NGLY1: variants seen among roughly 807,000 people sequenced by gnomAD.
NGLY1 encodes the protein N-glycanase 1.
Under a neutral mutation model 84.6 loss-of-function variants are expected in NGLY1, and 68 were observed. The observed-to-expected ratio is 0.80, with a 90% CI of 0.66 to 0.98. The LOEUF (loss-of-function observed/expected upper bound fraction) is 0.98, where lower values mean the gene tolerates loss of function less well. Ranked by LOEUF, NGLY1 falls within the 50% of genes least tolerant of loss-of-function variation. The probability of loss-of-function intolerance (pLI) is 0.00; values close to 1 mark genes in which losing one functional copy is unlikely to be tolerated. For missense variants in NGLY1, 779 were observed against 770.2 expected (o/e 1.01, Z -0.14); for synonymous variants, 280 against 275.2 (o/e 1.02, Z -0.17).
intron 10 of NGLY1, among the ~76,000 whole-genome samples, chr3:25,723,378 G>A (rs1376394477): frequency 6.6e-6 from 1 of 151,906 alleles, no homozygotes; most frequent in African/African-American, 2.4e-5. Flanking sequence ...AAATAAAAAA[G>A]GTCTCTTATG....
chr3:25,771,652 C>A (rs1707896479), intron 2 of NGLY1, among the ~76,000 whole-genome samples: 1 of 152,004 alleles, frequency 6.6e-6, no homozygotes, highest in African/African-American at 2.4e-5. Flanking sequence ...TTGATTCTAC[C>A]CTTCCATGAG....
chr3:25,743,834 T>A (rs1440121683), intron 4 of NGLY1, among the ~76,000 whole-genome samples: 2 of 152,174 alleles, frequency 1.3e-5, no homozygotes, highest in Non-Finnish European at 2.9e-5. Context: ...CAGCTGAAAG[T>A]AGGACTACTA....
At chr3:25,749,510 T>A in intron 4 of NGLY1, 2 of 1,579,428 alleles carry the variant, frequency 1.3e-6, no homozygotes, top group Non-Finnish European at 1.7e-6. Context: ...AGACCCCTTG[T>A]GAAGCCCAAG....
In NGLY1 at chr3:25,756,938, T is replaced by C. The variant is rs369742541; in HGVS notation, c.493-5675A>G. On this transcript the variant is annotated intron_variant, in intron 3 of 11. Coordinates refer to ENST00000280700, the MANE Select transcript of NGLY1 (RefSeq NM_018297.4). ...CTCTTATACACATCTTAAAGTCATATTGGGAAAGATGGAAAGCTTTCGAGA... is the reference window on the plus strand; with the variant it reads ...CTCTTATACACATCTTAAAGTCATACTGGGAAAGATGGAAAGCTTTCGAGA... Among the ~76,000 whole-genome samples, 82 of 152,350 alleles carry C rather than the reference T, an allele frequency of 5.4e-4. 2 individuals are homozygous for C. The highest frequency in any genetic ancestry group is 4.8e-3 in the East Asian group (25 of 5,186).
Position 25,719,374 on chromosome 3 carries a change from T to C in NGLY1, c.*86A>G. On this transcript the variant is annotated 3_prime_UTR_variant, in exon 12 of 12. Coordinates refer to ENST00000280700, the MANE Select transcript of NGLY1 (RefSeq NM_018297.4). ...AAAGAAATATGCTAGCACAGGGTGG[T>C]AACTGCCAACTAAGCATGCACTGAA... 9.1e-7 allele frequency: 1 copy of C among 1,101,296 alleles called. No homozygotes were observed. Among genetic ancestry groups the C allele is most frequent in the Non-Finnish European group, 1.3e-6 (1 of 751,030 alleles). 68.2% of individuals were successfully genotyped at this position (1,101,296 alleles called of 1,614,324 possible).
intron 7 of NGLY1, chr3:25,734,956 G>A (rs1184623989): frequency 8.7e-6 from 5 of 575,240 alleles, no homozygotes; most frequent in African/African-American, 1.9e-5. Flanking sequence ...TTTGATACAA[G>A]TGGAAAGACA....
intron 7 of NGLY1, 29 bp downstream of exon 7, chr3:25,735,975 G>T: frequency 6.4e-7 from 1 of 1,554,812 alleles, no homozygotes; most frequent in South Asian, 1.2e-5. Context: ...TTTACTTTTG[G>T]AAAAAAGTTT....
intron 2 of NGLY1, among the ~76,000 whole-genome samples, chr3:25,764,625 G>C (rs1048598917): frequency 2.0e-5 from 3 of 151,254 alleles, no homozygotes; most frequent in African/African-American, 4.8e-5. Context: ...GGCCTCATAA[G>C]GGTTGCAAAA....
chr3:25,739,604 G>C lies in NGLY1; in HGVS notation c.854C>G (p.Ala285Gly), dbSNP rs1354557048. 4.3e-6 allele frequency: 7 copies of C among 1,613,898 alleles called. No homozygotes were observed. The highest frequency in any genetic ancestry group is 3.3e-4 in the Middle Eastern group (2 of 6,084). Residue 285 changes from alanine to glycine, a missense_variant, in exon 5 of 12, where the codon GCC (alanine) becomes GGC (glycine). Coordinates refer to ENST00000280700, the MANE Select transcript of NGLY1 (RefSeq NM_018297.4). The stretch of plus-strand genomic sequence containing the variant: ...TGGGAATCGATTGCTGAACTGGCAG[G>C]CATCACAGTAATGATCTTCCACTTC... ...AKEVEDHYCD[A>G]CQFSNRFPRY...
chr3:25,755,473 C>T, intron 3 of NGLY1: 1 of 1,462,550 alleles, frequency 6.8e-7, no homozygotes, highest in Non-Finnish European at 9.6e-7. Flanking sequence ...AAAGATTTAA[C>T]AGTGCAGATT....
chr3:25,742,217 T>C lies in NGLY1; in HGVS notation c.659-2418A>G, dbSNP rs148865551. ...TACACACACTTGACATTTCAGTATC[T>C]ATCCAAGAGAAATACTTGTGCATGT... On this transcript the variant is annotated intron_variant, in intron 4 of 11. Transcript: ENST00000280700. 9.6e-4 allele frequency among the ~76,000 whole-genome samples: 146 copies of C among 152,296 alleles called. 2 individuals are homozygous for C. Among genetic ancestry groups the C allele is most frequent in the Non-Finnish European group, 3.7e-4 (25 of 68,020 alleles).
chr3:25,726,066 G>GC (rs1212132228), intron 10 of NGLY1, among the ~76,000 whole-genome samples: 3 of 145,854 alleles, frequency 2.1e-5, no homozygotes, highest in African/African-American at 5.1e-5. Flanking sequence ...CCATGCACCC[G>GC]CCCCCTCACC....
Position 25,739,722 on chromosome 3 carries a change from TCAC to T in NGLY1, c.733_735del (p.Val245del). 6.2e-7 allele frequency: 1 copy of T among 1,614,070 alleles called. No homozygotes were observed. The highest frequency in any genetic ancestry group is 8.5e-7 in the Non-Finnish European group (1 of 1,179,996). On this transcript the variant is annotated inframe_deletion, in exon 5 of 12. Coordinates refer to ENST00000280700, the MANE Select transcript of NGLY1 (RefSeq NM_018297.4). ...CCACATTTGCTGCACAAAACGTTAT[TCAC>T]CCAGTGAAAAAATTCTTCCTTAAAC...
upstream of NGLY1, among the ~76,000 whole-genome samples, chr3:25,784,482 A>G (rs796336079): frequency 6.6e-5 from 10 of 152,320 alleles, no homozygotes; most frequent in African/African-American, 2.4e-4. Context: ...TGCATCCCTT[A>G]CTACTTTAAT....
In NGLY1 at chr3:25,732,923, G is replaced by A. The variant is rs529434108; in HGVS notation, c.1261-440C>T. Among the ~76,000 whole-genome samples the A allele has an allele frequency of 4.9e-4, 75 of 152,298 alleles. 1 individual carries two copies. In the South Asian group the frequency reaches 0.014, roughly 29 times the overall value. On this transcript the variant is annotated intron_variant, in intron 8 of 11. Transcript: ENST00000280700. ...AACTTGAGAAGTCAAGATTCCAAGA[G>A]AAGAAAAGAATTGAGGTGAAGGGCA...
At chr3:25,754,152 C>T (rs1303176142) in intron 3 of NGLY1, among the ~76,000 whole-genome samples, 1 of 152,136 alleles carries the variant, frequency 6.6e-6, no homozygotes, top group East Asian at 1.9e-4. Flanking sequence ...TGATAATGTT[C>T]ATTTACTCAA....
At chr3:25,751,402 T>C (rs973987052) in intron 3 of NGLY1, 139 bp from the exon 4 acceptor site, 11 of 683,784 alleles carry the variant, frequency 1.6e-5, no homozygotes, top group Admixed American at 1.1e-4. Flanking sequence ...ATTATACCCA[T>C]AAACTTCATA....
At chr3:25,728,534 T>A (rs1402666196) in intron 10 of NGLY1, among the ~76,000 whole-genome samples, 2 of 152,156 alleles carry the variant, frequency 1.3e-5, no homozygotes, top group African/African-American at 4.8e-5. Flanking sequence ...AGCCTCTTAT[T>A]TGTTACTGAT....
intron 8 of NGLY1, among the ~76,000 whole-genome samples, chr3:25,733,665 T>C (rs921826533): frequency 6.6e-6 from 1 of 152,130 alleles, no homozygotes; most frequent in African/African-American, 2.4e-5. Context: ...TAATCCAAAA[T>C]AACTCATAAT....
Sources: allele counts gnomAD v4.1 joint callset (sites outside exome capture counted in the v4.1 genomes callset), GRCh38; gene constraint gnomAD v4.1.1; transcripts MANE v1.5; gene names NCBI Gene and HGNC (gene_info 2026-07-23, HGNC 2026-07-21).